Variants in SEPTIN11 observed in about 807,000 individuals in gnomAD.
The protein encoded by SEPTIN11 is septin-11.
SEPTIN11 carries 25 observed loss-of-function variants against 51.4 expected under a neutral mutation model. The observed-to-expected ratio is 0.49, with a 90% CI of 0.35 to 0.68. The LOEUF (loss-of-function observed/expected upper bound fraction) is 0.68, where lower values mean the gene tolerates loss of function less well. Among genes scored for constraint, SEPTIN11 ranks in the 30% least tolerant of loss-of-function variants. SEPTIN11 has a pLI of 0.00. For synonymous variants in SEPTIN11, 174 were observed against 184.1 expected (o/e 0.95, Z 0.44); for missense variants, 381 against 520.8 (o/e 0.73, Z 2.61).
intron 1 of SEPTIN11, among the ~76,000 whole-genome samples, chr4:76,983,297 G>A (rs1219912998): frequency 6.6e-6 from 1 of 152,230 alleles, no homozygotes; most frequent in Non-Finnish European, 1.5e-5. Context: ...TGACTTTGAA[G>A]ACAGAGGTGA....
intron 5 of SEPTIN11, among the ~76,000 whole-genome samples, chr4:77,016,599 C>T (rs1234299110): frequency 1.1e-4 from 7 of 62,436 alleles, no homozygotes; most frequent in East Asian, 3.6e-4. Context: ...TATACACACA[C>T]ATATATATAT....
chr4:76,958,341 A>G (rs924043144), intron 1 of SEPTIN11, among the ~76,000 whole-genome samples: 4 of 152,164 alleles, frequency 2.6e-5, no homozygotes, highest in Admixed American at 2.0e-4. Context: ...TGGCTCCTCA[A>G]TTGACCTGGC....
At position 77,010,472 on chromosome 4, in the gene SEPTIN11, T is replaced by A. The variant is rs537817138; in HGVS notation, c.339-1263T>A. Reference sequence around the variant, plus strand: ...GTACATCCTACCTTTTTTTTTTTTTTAAAGCCTCTAGAGATTTTGTCTACT... The same window carrying A: ...GTACATCCTACCTTTTTTTTTTTTTAAAAGCCTCTAGAGATTTTGTCTACT... On this transcript the variant is annotated intron_variant, in intron 3 of 9. Coordinates refer to ENST00000264893, the MANE Select transcript of SEPTIN11 (RefSeq NM_018243.4). Among the ~76,000 whole-genome samples, 721 of 151,746 alleles carry A rather than the reference T, an allele frequency of 4.8e-3. 8 individuals carry two copies. The highest frequency in any genetic ancestry group is 0.016 in the African/African-American group (682 of 41,426).
At chr4:76,954,209 C>T (rs932964072) in intron 1 of SEPTIN11, among the ~76,000 whole-genome samples, 3 of 152,206 alleles carry the variant, frequency 2.0e-5, no homozygotes, top group Non-Finnish European at 4.4e-5. Flanking sequence ...TCATGATCAT[C>T]GGATTTAGAC....
At chr4:77,021,656 A>T (rs1388011947) in intron 7 of SEPTIN11, 1 of 152,346 alleles carries the variant, frequency 6.6e-6, no homozygotes, top group Non-Finnish European at 1.5e-5. Flanking sequence ...ACTGAGGGCC[A>T]TAGTTCCTTG....
At chr4:76,965,608 AAAAGAAAC>A (rs1415209779) in intron 1 of SEPTIN11, among the ~76,000 whole-genome samples, 4 of 151,924 alleles carry the variant, frequency 2.6e-5, no homozygotes, top group Non-Finnish European at 5.9e-5. Flanking sequence ...TTCTATTTCT[AAAAGAAAC>A]TTGTGTATCA....
chr4:77,022,503 T>C (rs1725786992), intron 7 of SEPTIN11, among the ~76,000 whole-genome samples: 1 of 152,224 alleles, frequency 6.6e-6, no homozygotes, highest in African/African-American at 2.4e-5. Context: ...GTCACAACTA[T>C]TCAGTTCTGC....
rs1247309160 is a variant in SEPTIN11 at position 77,035,009 on chromosome 4, G to A, written c.*497G>A. The A allele has an allele frequency of 1.0e-5, 10 of 985,850 alleles. No individual in the cohort carries two copies. Among genetic ancestry groups the A allele is most frequent in the African/African-American group, 3.5e-5 (2 of 57,212 alleles). 61.1% of individuals were successfully genotyped at this position (985,850 alleles called of 1,614,324 possible). On this transcript the variant is annotated 3_prime_UTR_variant, in exon 10 of 10. Coordinates refer to ENST00000264893, the MANE Select transcript of SEPTIN11 (RefSeq NM_018243.4). ...GTCCTAAGCCAAGGTAGATTTGTACGTAGACAGACTGGTGAGCAAGCATTA... is the reference window on the plus strand; with the variant it reads ...GTCCTAAGCCAAGGTAGATTTGTACATAGACAGACTGGTGAGCAAGCATTA...
chr4:76,972,745 C>T (rs1012360559), intron 1 of SEPTIN11, among the ~76,000 whole-genome samples: 10 of 152,166 alleles, frequency 6.6e-5, no homozygotes, highest in African/African-American at 2.4e-4. Context: ...ACTCCTTTCA[C>T]TTAGGTTATT....
At chr4:76,979,604 C>T (rs1445702232) in intron 1 of SEPTIN11, among the ~76,000 whole-genome samples, 1 of 152,062 alleles carries the variant, frequency 6.6e-6, no homozygotes, top group Admixed American at 6.6e-5. Flanking sequence ...AAACAAAGGG[C>T]CAGGCATGGT....
chr4:76,981,138 T>C (rs772150805), intron 1 of SEPTIN11, among the ~76,000 whole-genome samples: 4 of 152,220 alleles, frequency 2.6e-5, no homozygotes, highest in Non-Finnish European at 5.9e-5. Context: ...CTTGCACATA[T>C]TTTATCATCT....
intron 7 of SEPTIN11, among the ~76,000 whole-genome samples, chr4:77,027,357 A>G (rs1342589330): frequency 6.6e-6 from 1 of 152,152 alleles, no homozygotes; most frequent in African/African-American, 2.4e-5. Flanking sequence ...GCTGGTCTCG[A>G]ACTCTTGACC....
At chr4:77,033,922 G>A (rs1253537700) in intron 9 of SEPTIN11, among the ~76,000 whole-genome samples, 1 of 152,124 alleles carries the variant, frequency 6.6e-6, no homozygotes, top group Non-Finnish European at 1.5e-5. Flanking sequence ...CCTAAAAGAG[G>A]GGGAAAGCTC....
At chr4:77,004,353 ACTAT>A (rs1247000226) in intron 2 of SEPTIN11, among the ~76,000 whole-genome samples, 1 of 152,358 alleles carries the variant, frequency 6.6e-6, no homozygotes, top group African/African-American at 2.4e-5. Context: ...AGCTGGGAAA[ACTAT>A]CTAAGAAGCC....
chr4:77,034,840 A>T lies in SEPTIN11; in HGVS notation c.*328A>T. 3.8e-6 allele frequency: 4 copies of T among 1,041,310 alleles called. No homozygotes were observed. The highest frequency in any genetic ancestry group is 4.6e-6 in the Non-Finnish European group (4 of 866,670). 64.5% of individuals were successfully genotyped at this position (1,041,310 alleles called of 1,614,324 possible). On this transcript the variant is annotated 3_prime_UTR_variant, in exon 10 of 10. Coordinates refer to ENST00000264893, the MANE Select transcript of SEPTIN11 (RefSeq NM_018243.4). The stretch of plus-strand genomic sequence containing the variant: ...ACAGAGGAAAGTGGGGTAAAATGCT[A>T]CCTGTACGTCTGACATGAAAACTTC...
chr4:76,979,906 C>G (rs1023661442), intron 1 of SEPTIN11, among the ~76,000 whole-genome samples: 3 of 151,528 alleles, frequency 2.0e-5, no homozygotes, highest in Non-Finnish European at 4.4e-5. Context: ...TTCCTGATGG[C>G]TGGAGTGGAA....
At chr4:76,954,845 A>C (rs567424029) in intron 1 of SEPTIN11, among the ~76,000 whole-genome samples, 57 of 152,332 alleles carry the variant, frequency 3.7e-4, no homozygotes, top group African/African-American at 1.1e-3. Flanking sequence ...GGTAGGATGG[A>C]GTGTGAAACA....
At chr4:76,993,415 T>C (rs770274349) in intron 1 of SEPTIN11, among the ~76,000 whole-genome samples, 10 of 151,910 alleles carry the variant, frequency 6.6e-5, no homozygotes, top group Admixed American at 2.6e-4. Flanking sequence ...CGACATGGAA[T>C]ATATGCAGTT....
At chr4:76,952,512 G>A (rs1255671140) in intron 1 of SEPTIN11, among the ~76,000 whole-genome samples, 1 of 152,118 alleles carries the variant, frequency 6.6e-6, no homozygotes, top group East Asian at 1.9e-4. Context: ...AGGTAAATAT[G>A]ACATTTTAGT....
Sources: gnomAD v4.1 joint callset for allele counts (sites outside exome capture counted in the v4.1 genomes callset) on GRCh38, gnomAD v4.1.1 for gene constraint, MANE v1.5 for transcripts, NCBI Gene and HGNC (gene_info 2026-07-23, HGNC 2026-07-21) for gene names.